The following IGF1R variants were observed in gnomAD, a reference collection of about 807,000 sequenced individuals.
The protein encoded by IGF1R is insulin-like growth factor 1 receptor.
IGF1R carries 44 observed loss-of-function variants against 144.6 expected under a neutral mutation model. The ratio of observed to expected loss-of-function variants is 0.30; its 90% CI spans 0.24 to 0.39. IGF1R has a LOEUF of 0.39. IGF1R is among the 10% of genes least tolerant of loss of function. The pLI is 1.00. For missense variants in IGF1R, 1,355 were observed against 1,833.7 expected (o/e 0.74, Z 4.77); for synonymous variants, 795 against 722.8 (o/e 1.10, Z -1.60).
intron 2 of IGF1R, among the ~76,000 whole-genome samples, chr15:98,779,439 C>A (rs1389807062): frequency 6.6e-6 from 1 of 152,180 alleles, no homozygotes; most frequent in Non-Finnish European, 1.5e-5. Flanking sequence ...TTTACAGATA[C>A]TAATTCATTT....
chr15:98,813,502 C>T (rs2056635790), intron 2 of IGF1R, among the ~76,000 whole-genome samples: 1 of 152,198 alleles, frequency 6.6e-6, no homozygotes, highest in Non-Finnish European at 1.5e-5. Context: ...AAAGGCTCTC[C>T]TCCATGTTTT....
intron 1 of IGF1R, among the ~76,000 whole-genome samples, chr15:98,685,292 TC>T (rs1173125303): frequency 6.6e-6 from 1 of 152,282 alleles, no homozygotes; most frequent in East Asian, 1.9e-4. Context: ...GCCTTTGCAG[TC>T]CTGTCACCAT....
rs562073636 is a variant in IGF1R, at chr15:98,697,297, C to A, written c.95-10265C>A. On this transcript the variant is annotated intron_variant, in intron 1 of 20. Transcript: ENST00000650285. Reference sequence around the variant, plus strand: ...CAGATAGTGAGAACCTGCCACTGTTCAGTTTGCAGAGTGGTTGGTTGCATA... The same window carrying A: ...CAGATAGTGAGAACCTGCCACTGTTAAGTTTGCAGAGTGGTTGGTTGCATA... Among the ~76,000 whole-genome samples the A allele has an allele frequency of 3.5e-4, 54 of 152,326 alleles. 2 individuals carry two copies. In the South Asian group the frequency reaches 0.01, roughly 29 times the overall value.
At chr15:98,910,839 C>G (rs1308279011) in intron 6 of IGF1R, among the ~76,000 whole-genome samples, 1 of 152,218 alleles carries the variant, frequency 6.6e-6, no homozygotes, top group Non-Finnish European at 1.5e-5. Flanking sequence ...CTGTGGCACA[C>G]CTGTAGTCTC....
At position 98,891,684 on chromosome 15, in the gene IGF1R, G is replaced by A. The variant is rs767871468; in HGVS notation, c.953+47G>A. The A allele has an allele frequency of 3.2e-6, 5 of 1,556,882 alleles. No homozygotes were observed. In the South Asian group the frequency reaches 3.4e-5, roughly 10 times the overall value. Reference sequence around the variant, plus strand: ...GGTCACTACCCGCCCCACCTCACCCGCCACCCTAGCACACAAAGGTAGACT... The same window carrying A: ...GGTCACTACCCGCCCCACCTCACCCACCACCCTAGCACACAAAGGTAGACT... On this transcript the variant is annotated intron_variant, in intron 3 of 20. Transcript: ENST00000650285. This position sits in a 1 kb window ranked among gnomAD's most constrained non-coding sequence, Gnocchi z 4.7.
At chr15:98,664,393 G>A (rs186818153) in intron 1 of IGF1R, among the ~76,000 whole-genome samples, 11 of 152,222 alleles carry the variant, frequency 7.2e-5, no homozygotes, top group African/African-American at 2.6e-4. Flanking sequence ...GGCCGAGTGC[G>A]GTGGCTCATG....
chr15:98,666,375 T>G (rs1051560681), intron 1 of IGF1R, among the ~76,000 whole-genome samples: 1 of 152,114 alleles, frequency 6.6e-6, no homozygotes. Flanking sequence ...AATTCCACTT[T>G]GGGGTATATG....
In IGF1R at chr15:98,957,348, G is replaced by T. The variant is rs759627092; in HGVS notation, c.4010G>T (p.Arg1337Leu). ...CCCGGCCCTGGGGTGCTGGTCCTCC[G>T]CGCCAGCTTCGACGAGAGACAGCCT... The part of the protein sequence containing the change: ...NGPGPGVLVL[R>L]ASFDERQPYA... Residue 1337 changes from arginine to leucine, a missense_variant, in exon 21 of 21, where the codon CGC (arginine) becomes CTC (leucine). Arg to Leu is a moderately radical substitution (Grantham distance 102). Around this residue, in one of 7 missense-constraint regions of IGF1R, gnomAD observed 219 missense variants for 188.8 expected, o/e 1.16. Coordinates refer to ENST00000650285, the MANE Select transcript of IGF1R (RefSeq NM_000875.5). 6.2e-6 allele frequency: 10 copies of T among 1,611,966 alleles called. No homozygotes were observed. Among genetic ancestry groups the T allele is most frequent in the Non-Finnish European group, 2.5e-6 (3 of 1,178,722 alleles).
chr15:98,893,670 T>G (rs2014039273), intron 3 of IGF1R: 1 of 152,212 alleles, frequency 6.6e-6, no homozygotes. Context: ...TTAATGACAT[T>G]TGGAGGCCTT....
chr15:98,881,891 G>A (rs774939537), intron 2 of IGF1R, among the ~76,000 whole-genome samples: 1 of 152,216 alleles, frequency 6.6e-6, no homozygotes, highest in Non-Finnish European at 1.5e-5. Context: ...AATATATTTA[G>A]TGAATATTAA....
At chr15:98,812,884 G>GCT (rs1321835871) in intron 2 of IGF1R, among the ~76,000 whole-genome samples, 2 of 152,136 alleles carry the variant, frequency 1.3e-5, no homozygotes, top group African/African-American at 4.8e-5. Flanking sequence ...CTTCACACGT[G>GCT]CTGTGAAATG....
intron 2 of IGF1R, among the ~76,000 whole-genome samples, chr15:98,825,377 C>T (rs2056874600): frequency 6.6e-6 from 1 of 152,236 alleles, no homozygotes; most frequent in Non-Finnish European, 1.5e-5. Flanking sequence ...TTTCCGTATA[C>T]TTTAAACCAG....
chr15:98,780,171 A>T (rs188826430), intron 2 of IGF1R, among the ~76,000 whole-genome samples: 29 of 151,924 alleles, frequency 1.9e-4, no homozygotes, highest in Non-Finnish European at 1.5e-4. Context: ...TAAATAAAAT[A>T]AAAAAAGAAA....
At chr15:98,660,232 G>A (rs2052570310) in intron 1 of IGF1R, 1 of 152,192 alleles carries the variant, frequency 6.6e-6, no homozygotes, top group South Asian at 2.1e-4. Context: ...CTTGGCAGGT[G>A]GAAGCCCCTC....
chr15:98,809,767 G>A (rs533887264), intron 2 of IGF1R, among the ~76,000 whole-genome samples: 1 of 152,340 alleles, frequency 6.6e-6, no homozygotes, highest in African/African-American at 2.4e-5. Flanking sequence ...CTCAGTGAGT[G>A]CCTGCAGGGG....
At chr15:98,766,071 A>T (rs1032618376) in intron 2 of IGF1R, among the ~76,000 whole-genome samples, 2 of 152,176 alleles carry the variant, frequency 1.3e-5, no homozygotes, top group African/African-American at 4.8e-5. Flanking sequence ...GCAGCCTGTC[A>T]TGGGGAAGGG....
Position 98,930,257 on chromosome 15 carries a change from G to A in IGF1R, c.2908G>A (p.Gly970Arg), listed in dbSNP as rs1256569511. 1 of 1,613,552 alleles carries A rather than the reference G, an allele frequency of 6.2e-7. No homozygotes were observed. The highest frequency in any genetic ancestry group is 1.1e-5 in the South Asian group (1 of 90,930). Residue 970 changes from glycine to arginine, a missense_variant, in exon 15 of 21, where the codon GGA becomes AGA. Around this residue, in one of 7 missense-constraint regions of IGF1R, gnomAD observed 880 missense variants for 1,202.7 expected, o/e 0.73. Transcript: ENST00000650285. ...RKRNNSRLGN[G>R]VLYASVNPEY... The stretch of plus-strand genomic sequence containing the variant: ...CAGAAATAACAGCAGGCTGGGGAAT[G>A]GAGTGCTGTATGCCTCTGTGAACCC...
chr15:98,864,950 C>T (rs2012349415), intron 2 of IGF1R, among the ~76,000 whole-genome samples: 1 of 152,132 alleles, frequency 6.6e-6, no homozygotes. Flanking sequence ...CTGTGGCCCT[C>T]GTTTTTCCTC....
intron 4 of IGF1R, among the ~76,000 whole-genome samples, chr15:98,899,003 C>A (rs2014339275): frequency 6.6e-6 from 1 of 152,124 alleles, no homozygotes; most frequent in African/African-American, 2.4e-5. Context: ...TTCTTCAAGT[C>A]TTAGTAAAAT....
Sources: gnomAD v4.1 joint callset for allele counts (sites outside exome capture counted in the v4.1 genomes callset) on GRCh38, gnomAD v4.1.1 for gene constraint, gnomAD v4.1.1 regional missense constraint, Gnocchi (gnomAD v3.1) non-coding constraint, MANE v1.5 for transcripts, NCBI Gene and HGNC (gene_info 2026-07-23, HGNC 2026-07-21) for gene names.